OPCML: variants seen among roughly 807,000 people sequenced by gnomAD.
OPCML encodes opioid-binding protein/cell adhesion molecule.
Under a neutral mutation model 37.8 loss-of-function variants are expected in OPCML, and 13 were observed. The ratio of observed to expected loss-of-function variants is 0.34; its 90% CI spans 0.22 to 0.55. OPCML has a LOEUF of 0.55. Among genes scored for constraint, OPCML ranks in the 20% least tolerant of loss-of-function variants. The pLI is 0.91. For missense variants in OPCML, 341 were observed against 435.6 expected (o/e 0.78, Z 1.93); for synonymous variants, 176 against 168.8 (o/e 1.04, Z -0.33).
intron 1 of OPCML, among the ~76,000 whole-genome samples, chr11:133,489,835 C>CATAT (rs34169016): frequency 7.4e-6 from 1 of 135,140 alleles, no homozygotes; most frequent in African/African-American, 3.1e-5. Flanking sequence ...TGTGTATATA[C>CATAT]ATATATATAT....
At chr11:132,902,429 G>A (rs60351306) in intron 2 of OPCML, among the ~76,000 whole-genome samples, 34 of 152,262 alleles carry the variant, frequency 2.2e-4, no homozygotes, top group African/African-American at 7.0e-4. Flanking sequence ...GGGTGTGCAC[G>A]GGTGTGATTT....
intron 1 of OPCML, among the ~76,000 whole-genome samples, chr11:133,235,029 T>C (rs971298006): frequency 6.6e-6 from 1 of 152,258 alleles, no homozygotes; most frequent in East Asian, 1.9e-4. Context: ...TGCTGGGTAA[T>C]TGAATGACCG....
intron 4 of OPCML, among the ~76,000 whole-genome samples, chr11:132,463,402 T>C (rs2096109364): frequency 6.6e-6 from 1 of 152,200 alleles, no homozygotes; most frequent in South Asian, 2.1e-4. Context: ...TCCAGGAAAC[T>C]CTAGTGTAGT....
chr11:132,650,540 G>A (rs1183323659), intron 3 of OPCML, among the ~76,000 whole-genome samples: 3 of 151,948 alleles, frequency 2.0e-5, no homozygotes, highest in African/African-American at 7.3e-5. Context: ...TTGCAGCTTA[G>A]AGACCCCTTC....
At chr11:133,145,504 T>C (rs1248581574) in intron 1 of OPCML, among the ~76,000 whole-genome samples, 1 of 152,202 alleles carries the variant, frequency 6.6e-6, no homozygotes, top group Non-Finnish European at 1.5e-5. Flanking sequence ...GAAGGAAACC[T>C]GGAAAGTTTG....
chr11:133,415,971 C>G (rs1945753497), intron 1 of OPCML, among the ~76,000 whole-genome samples: 1 of 152,152 alleles, frequency 6.6e-6, no homozygotes, highest in Non-Finnish European at 1.5e-5. Context: ...CTTGAACAAG[C>G]AACAAAGGTG....
chr11:132,893,338 C>G (rs114237161), intron 2 of OPCML, among the ~76,000 whole-genome samples: 1 of 152,218 alleles, frequency 6.6e-6, no homozygotes, highest in Non-Finnish European at 1.5e-5. Flanking sequence ...GAAATACAGA[C>G]GCTTGACCAT....
Position 132,417,559 on chromosome 11 carries a change from A to T in OPCML, c.*2634T>A, listed in dbSNP as rs1442261963. On this transcript the variant is annotated 3_prime_UTR_variant, in exon 8 of 8. Transcript: ENST00000524381. The stretch of plus-strand genomic sequence containing the variant: ...AGCCTTGTTGGGTTGAGAGGTTCTG[A>T]TGATCTTGGCCAAAGGAGCATGGAC... 2.0e-5 allele frequency: 3 copies of T among 152,182 alleles called. No homozygotes were observed. The highest frequency in any genetic ancestry group is 4.4e-5 in the Non-Finnish European group (3 of 68,078). The allele number at this position is 152,182 out of a possible 1,614,324, so 9.4% of individuals were successfully genotyped here. A position where few individuals can be genotyped will look rare whatever the true frequency, so the allele number is the denominator to read the frequency against.
chr11:133,013,541 G>A (rs1462460561), intron 1 of OPCML, among the ~76,000 whole-genome samples: 2 of 152,198 alleles, frequency 1.3e-5, no homozygotes, highest in African/African-American at 4.8e-5. Context: ...GAAATTAAAT[G>A]TAAGGATAAC....
intron 2 of OPCML, among the ~76,000 whole-genome samples, chr11:132,785,463 A>G (rs1947177908): frequency 6.6e-6 from 1 of 152,250 alleles, no homozygotes; most frequent in African/African-American, 2.4e-5. Flanking sequence ...CTAGAAGAAG[A>G]TAAATGTTGC....
intron 3 of OPCML, among the ~76,000 whole-genome samples, chr11:132,571,183 C>T (rs1023053670): frequency 2.0e-5 from 3 of 152,030 alleles, no homozygotes; most frequent in African/African-American, 7.2e-5. Context: ...GGCCTTTGGA[C>T]TCTGGGACTT....
At chr11:132,806,584 AAC>A (rs1245875721) in intron 2 of OPCML, among the ~76,000 whole-genome samples, 1 of 152,144 alleles carries the variant, frequency 6.6e-6, no homozygotes, top group Non-Finnish European at 1.5e-5. Flanking sequence ...TTCACCTAGT[AAC>A]AGAGTATCAA....
chr11:133,034,772 T>C lies in OPCML; in HGVS notation c.62-91762A>G, dbSNP rs1296018533. Reference sequence around the variant, plus strand: ...TTTCCTTTTTTTTTTTTTGCTCTTATTGTTACTAAGGAACAAGTACTAAGC... The same window carrying C: ...TTTCCTTTTTTTTTTTTTGCTCTTACTGTTACTAAGGAACAAGTACTAAGC... On this transcript the variant is annotated intron_variant, in intron 1 of 7. Coordinates refer to ENST00000524381, the MANE Select transcript of OPCML (RefSeq NM_001012393.5). 3.3e-5 allele frequency among the ~76,000 whole-genome samples: 5 copies of C among 152,042 alleles called. No individual in the cohort carries two copies. The East Asian group carries it at 7.8e-4, about 24-fold the overall frequency.
At chr11:133,507,724 C>A (rs1591579396) in intron 1 of OPCML, among the ~76,000 whole-genome samples, 1 of 152,096 alleles carries the variant, frequency 6.6e-6, no homozygotes, top group South Asian at 2.1e-4. Flanking sequence ...GCGGGCGGAC[C>A]ACCTGAGGTC....
chr11:133,303,815 G>GA (rs1019826282), intron 1 of OPCML, among the ~76,000 whole-genome samples: 2 of 152,102 alleles, frequency 1.3e-5, no homozygotes, highest in Non-Finnish European at 2.9e-5. Flanking sequence ...CTGTTGAATA[G>GA]AAAAAAAGTT....
intron 1 of OPCML, among the ~76,000 whole-genome samples, chr11:133,194,584 G>A (rs1938460413): frequency 6.6e-6 from 1 of 152,242 alleles, no homozygotes. Flanking sequence ...GTTAGAATGA[G>A]TTATAATAAC....
At chr11:133,284,921 TTCTTGC>T in intron 1 of OPCML, among the ~76,000 whole-genome samples, 1 of 152,184 alleles carries the variant, frequency 6.6e-6, no homozygotes, top group Admixed American at 6.5e-5. Flanking sequence ...GTAGACATGG[TTCTTGC>T]TCTAGGAGAA....
At chr11:133,427,646 TA>T (rs1418284040) in intron 1 of OPCML, among the ~76,000 whole-genome samples, 1 of 151,928 alleles carries the variant, frequency 6.6e-6, no homozygotes, top group Non-Finnish European at 1.5e-5. Context: ...AAGAAAATGC[TA>T]CATACAATTC....
rs1434911030 is a variant in OPCML, at chr11:133,212,839, C to T, written c.62-269829G>A. Among the ~76,000 whole-genome samples, 1 of 152,198 alleles carries T rather than the reference C, an allele frequency of 6.6e-6. No homozygotes were observed. The highest frequency in any genetic ancestry group is 1.5e-5 in the Non-Finnish European group (1 of 68,036). ...AGGTAAGAGTGAACTCATGACACTGCACCCTTTGTATGGGTTTCCATACTC... is the reference window on the plus strand; with the variant it reads ...AGGTAAGAGTGAACTCATGACACTGTACCCTTTGTATGGGTTTCCATACTC... On this transcript the variant is annotated intron_variant, in intron 1 of 7. Coordinates refer to ENST00000524381, the MANE Select transcript of OPCML (RefSeq NM_001012393.5). The surrounding 1 kb of genome is among the most constrained non-coding windows in gnomAD (Gnocchi z 4.9).
Sources: allele counts gnomAD v4.1 joint callset (sites outside exome capture counted in the v4.1 genomes callset), GRCh38; gene constraint gnomAD v4.1.1; non-coding constraint Gnocchi (gnomAD v3.1); transcripts MANE v1.5; gene names NCBI Gene and HGNC (gene_info 2026-07-23, HGNC 2026-07-21).